PCYOX1: variants seen among roughly 807,000 people sequenced by gnomAD.
PCYOX1 encodes the protein prenylcysteine oxidase 1, also known as prenylcysteine lyase.
A neutral mutation model predicts 46.4 loss-of-function variants in PCYOX1; 46 were observed. The observed-to-expected ratio is 0.99, with a 90% CI of 0.78 to 1.27. The LOEUF is 1.27. Ranked by LOEUF, PCYOX1 falls within the 50% of genes most tolerant of loss-of-function variation. The pLI, the probability that PCYOX1 is intolerant of heterozygous loss-of-function variation, is 0.00. For missense variants in PCYOX1, 658 were observed against 628.3 expected (o/e 1.05, Z -0.51); for synonymous variants, 220 against 231.8 (o/e 0.95, Z 0.46).
chr2:70,263,538 A>G (rs1268565487), intron 3 of PCYOX1, among the ~76,000 whole-genome samples: 1 of 152,202 alleles, frequency 6.6e-6, no homozygotes, highest in Non-Finnish European at 1.5e-5. Flanking sequence ...AAGGAAATAT[A>G]TAGAATTTGC....
intron 3 of PCYOX1, 47 bp from the exon 4 acceptor site, chr2:70,274,912 C>T (rs1455753703): frequency 8.7e-7 from 1 of 1,153,196 alleles, no homozygotes; most frequent in Non-Finnish European, 1.3e-6. Context: ...ACATCCCCTT[C>T]CCCACATCTT....
intron 5 of PCYOX1, 63 bp downstream of exon 5, chr2:70,275,729 C>G (rs1167818995): frequency 2.2e-6 from 3 of 1,388,266 alleles, no homozygotes; most frequent in Non-Finnish European, 3.1e-6. Flanking sequence ...CAGGGAGAAA[C>G]ACTTCTCTTC....
rs1331687040 is a variant in PCYOX1 at position 70,277,201 on chromosome 2, G to A, written c.1327G>A (p.Glu443Lys). ...TGCATATCCTCACTATAAGCCCCCG[G>A]AGAAATGCCCCTCTATCATTCTCCA... is the stretch of plus-strand genomic sequence containing the variant. ...WLAYPHYKPP[E>K]KCPSIILHDR... Residue 443 changes from glutamate to lysine, a missense_variant, in exon 6 of 6, where the codon GAG (glutamate) becomes AAG (lysine). Glu to Lys is a moderately conservative substitution (Grantham distance 56, BLOSUM62 1). Transcript: ENST00000433351. 4 of 1,614,074 alleles carry A rather than the reference G, an allele frequency of 2.5e-6. No individual in the cohort carries two copies. The highest frequency in any genetic ancestry group is 3.4e-6 in the Non-Finnish European group (4 of 1,180,002).
rs776689454 is a variant in PCYOX1, at chr2:70,267,461, C to T, written c.494+6075C>T. On this transcript the variant is annotated intron_variant, in intron 3 of 5. Coordinates refer to ENST00000433351, the MANE Select transcript of PCYOX1 (RefSeq NM_016297.4). Reference sequence around the variant, plus strand: ...GGCGGCTGGGAGGTGGAGGTTGTAGCGAGCCGAGATCACGCCACTGCACTC... The same window carrying T: ...GGCGGCTGGGAGGTGGAGGTTGTAGTGAGCCGAGATCACGCCACTGCACTC... 3.9e-5 allele frequency among the ~76,000 whole-genome samples: 6 copies of T among 151,958 alleles called. No individual in the cohort carries two copies. The East Asian group carries it at 9.6e-4, about 24-fold the overall frequency.
chr2:70,262,287 T>C (rs1382939018), intron 3 of PCYOX1, among the ~76,000 whole-genome samples: 1 of 151,914 alleles, frequency 6.6e-6, no homozygotes, highest in Non-Finnish European at 1.5e-5. Flanking sequence ...TGCCTCAGGC[T>C]CCCGAGTAGC....
At chr2:70,262,722 G>A (rs529084836) in intron 3 of PCYOX1, among the ~76,000 whole-genome samples, 2 of 151,308 alleles carry the variant, frequency 1.3e-5, no homozygotes, top group South Asian at 2.1e-4. Flanking sequence ...CTCGTGATCC[G>A]CCTGCCTCAG....
At chr2:70,263,603 G>T (rs948216587) in intron 3 of PCYOX1, among the ~76,000 whole-genome samples, 2 of 152,114 alleles carry the variant, frequency 1.3e-5, no homozygotes, top group Non-Finnish European at 2.9e-5. Flanking sequence ...TGCATACTCA[G>T]CAGGCAGATC....
At chr2:70,261,124 GAGGGAA>G (rs1204417826) in intron 2 of PCYOX1, 82 bp from the exon 3 acceptor site, 5 of 780,640 alleles carry the variant, frequency 6.4e-6, no homozygotes, top group Non-Finnish European at 1.0e-5. Flanking sequence ...CCTGAGAACT[GAGGGAA>G]GCCCCAAATT....
At chr2:70,259,075 C>CAGG (rs1696391600) in intron 1 of PCYOX1, among the ~76,000 whole-genome samples, 2 of 152,234 alleles carry the variant, frequency 1.3e-5, no homozygotes, top group African/African-American at 2.4e-5. Context: ...GAAGGGTGTG[C>CAGG]AGGCCCCTTG....
At chr2:70,264,607 A>G (rs916133101) in intron 3 of PCYOX1, among the ~76,000 whole-genome samples, 1 of 151,830 alleles carries the variant, frequency 6.6e-6, no homozygotes, top group Non-Finnish European at 1.5e-5. Flanking sequence ...GATTACAGGC[A>G]TGAGCCACCG....
chr2:70,260,398 G>T (rs1305960215), intron 2 of PCYOX1, among the ~76,000 whole-genome samples: 1 of 152,142 alleles, frequency 6.6e-6, no homozygotes, highest in East Asian at 1.9e-4. Context: ...AAAAAAGTTA[G>T]CCTGGTGTGA....
chr2:70,268,208 A>G (rs1696554924), intron 3 of PCYOX1, among the ~76,000 whole-genome samples: 1 of 152,080 alleles, frequency 6.6e-6, no homozygotes, highest in Middle Eastern at 3.2e-3. Flanking sequence ...TTACTGTTAT[A>G]TTGCTACCAT....
intron 4 of PCYOX1, 69 bp downstream of exon 4, chr2:70,275,239 C>T (rs1696654096): frequency 3.8e-6 from 5 of 1,318,738 alleles, no homozygotes; most frequent in Admixed American, 1.7e-5. Flanking sequence ...TATGGTGGTT[C>T]CTGACTTTAG....
chr2:70,277,441 C>CA lies in PCYOX1; in HGVS notation c.*55dup. 1.5e-6 allele frequency: 2 copies of CA among 1,375,514 alleles called. No homozygotes were observed. The highest frequency in any genetic ancestry group is 2.0e-6 in the Non-Finnish European group (2 of 1,000,836). 85.2% of individuals were successfully genotyped at this position (1,375,514 alleles called of 1,614,324 possible). On this transcript the variant is annotated 3_prime_UTR_variant, in exon 6 of 6. Coordinates refer to ENST00000433351, the MANE Select transcript of PCYOX1 (RefSeq NM_016297.4). ...CCTAGTTCCAAATGACTATCAGTGG[C>CA]AAAAAAGAACAAAATCTGAGCAGAG...
At chr2:70,272,697 TTTATTA>T (rs982954121) in intron 3 of PCYOX1, among the ~76,000 whole-genome samples, 1 of 134,008 alleles carries the variant, frequency 7.5e-6, no homozygotes, top group South Asian at 2.2e-4. Flanking sequence ...TGTTTTTTCA[TTTATTA>T]TTATTATTTT....
intron 4 of PCYOX1, 116 bp from the exon 5 acceptor site, chr2:70,275,398 C>A (rs928056241): frequency 9.0e-7 from 1 of 1,114,374 alleles, no homozygotes; most frequent in Non-Finnish European, 1.3e-6. Flanking sequence ...CTCCCAGGGG[C>A]CATTTAGCAA....
chr2:70,259,354 T>A lies in PCYOX1; in HGVS notation c.113-6T>A, dbSNP rs747507331. 5 of 1,612,022 alleles carry A rather than the reference T, an allele frequency of 3.1e-6. No individual in the cohort carries two copies. In the South Asian group the frequency reaches 5.5e-5, roughly 18 times the overall value. ...AAATATAATCTTCTGTTTTTTTCCC[T>A]CATAGCGATTATTGGAGCCGGAATT... On this transcript the variant is annotated splice_polypyrimidine_tract_variant and splice_region_variant and intron_variant, in intron 1 of 5. Transcript: ENST00000433351.
intron 3 of PCYOX1, among the ~76,000 whole-genome samples, chr2:70,264,278 T>A (rs957296417): frequency 1.3e-5 from 2 of 151,312 alleles, no homozygotes; most frequent in Admixed American, 6.6e-5. Flanking sequence ...TTTTTTTTTT[T>A]ATCTGTGGCT....
rs1301537020 is a variant in PCYOX1, at chr2:70,280,280, T to TG, written c.*2891dup. 6.6e-6 allele frequency: 1 copy of TG among 152,200 alleles called. No homozygotes were observed. Among genetic ancestry groups the TG allele is most frequent in the African/African-American group, 2.4e-5 (1 of 41,448 alleles). 9.4% of individuals were successfully genotyped at this position (152,200 alleles called of 1,614,324 possible). On this transcript the variant is annotated 3_prime_UTR_variant, in exon 6 of 6. Coordinates refer to ENST00000433351, the MANE Select transcript of PCYOX1 (RefSeq NM_016297.4). ...AAAATCCTAGCAGAACCTGCTACTC[T>TG]GGGCGCATTAGGTAGTTTTATGCAA...
Sources: gnomAD v4.1 joint callset for allele counts (sites outside exome capture counted in the v4.1 genomes callset) on GRCh38, gnomAD v4.1.1 for gene constraint, MANE v1.5 for transcripts, NCBI Gene and HGNC (gene_info 2026-07-23, HGNC 2026-07-21) for gene names.